The following PSMB7 variants were observed in gnomAD, a reference collection of about 807,000 sequenced individuals.
PSMB7 encodes the protein proteasome 20S subunit beta 7.
Under a neutral mutation model 28.1 loss-of-function variants are expected in PSMB7, and 5 were observed. The observed-to-expected ratio is 0.18, with a 90% CI of 0.09 to 0.37. PSMB7 has a LOEUF of 0.37. PSMB7 is among the 10% of genes least tolerant of loss of function. PSMB7 has a pLI of 1.00. For missense variants in PSMB7, 275 were observed against 346.2 expected (o/e 0.79, Z 1.63); for synonymous variants, 122 against 123.7 (o/e 0.99, Z 0.09).
chr9:124,400,763 C>CAT (rs10661672), intron 5 of PSMB7, among the ~76,000 whole-genome samples: 150,630 of 152,306 alleles, frequency 0.99, 74,497 homozygotes, highest in East Asian at 1. Flanking sequence ...CTGGCCGAAA[C>CAT]GTGTACACCT....
intron 3 of PSMB7, among the ~76,000 whole-genome samples, chr9:124,413,472 A>C (rs2131183950): frequency 6.6e-6 from 1 of 152,292 alleles, no homozygotes; most frequent in East Asian, 1.9e-4. Flanking sequence ...TTTTTAAGAA[A>C]GGGATGCCAT....
intron 2 of PSMB7, among the ~76,000 whole-genome samples, chr9:124,414,335 C>T (rs1831062931): frequency 6.6e-6 from 1 of 152,206 alleles, no homozygotes; most frequent in Non-Finnish European, 1.5e-5. Context: ...TTAGCCATCA[C>T]TATCAATTTC....
In PSMB7 at chr9:124,412,469, G is replaced by A; in HGVS notation, c.278C>T (p.Ala93Val). ...GAGCTGGGTTGTCATGTCTGTGTCT[G>A]CAGCTGTCCCAGCACCACAACAACT... Reference protein sequence around the residue: ...NIYCCGAGTAADTDMTTQLIS... With the variant: ...NIYCCGAGTAVDTDMTTQLIS... The change falls in exon 4 of 8, where the codon GCA becomes GTA. Residue 93 changes from alanine (A) to valine (V), a missense_variant. Coordinates refer to ENST00000259457, the MANE Select transcript of PSMB7 (RefSeq NM_002799.4). 6.2e-7 allele frequency: 1 copy of A among 1,614,128 alleles called. No individual in the cohort carries two copies. Among genetic ancestry groups the A allele is most frequent in the Non-Finnish European group, 8.5e-7 (1 of 1,180,016 alleles).
At chr9:124,366,239 C>A (rs1282540963) in intron 6 of PSMB7, among the ~76,000 whole-genome samples, 1 of 152,148 alleles carries the variant, frequency 6.6e-6, no homozygotes, top group African/African-American at 2.4e-5. Context: ...ATGGTGAAAC[C>A]CCATCTCTAC....
intron 5 of PSMB7, among the ~76,000 whole-genome samples, chr9:124,395,163 CA>C (rs1331843943): frequency 6.6e-6 from 1 of 152,130 alleles, no homozygotes; most frequent in African/African-American, 2.4e-5. Context: ...TGTTCACAGT[CA>C]AACAGCTAAA....
At chr9:124,397,221 C>T (rs1830851696) in intron 5 of PSMB7, among the ~76,000 whole-genome samples, 2 of 152,138 alleles carry the variant, frequency 1.3e-5, no homozygotes, top group Admixed American at 6.5e-5. Context: ...CACAGTGGTG[C>T]AAAGATTGTA....
At chr9:124,354,284 A>AAC (rs1830375041) in intron 7 of PSMB7, among the ~76,000 whole-genome samples, 1 of 152,226 alleles carries the variant, frequency 6.6e-6, no homozygotes, top group Admixed American at 6.5e-5. Flanking sequence ...GGACACACCC[A>AAC]ACACCTTCTT....
intron 6 of PSMB7, among the ~76,000 whole-genome samples, chr9:124,374,226 G>A (rs991992699): frequency 9.2e-5 from 14 of 152,202 alleles, no homozygotes; most frequent in African/African-American, 2.4e-5. Context: ...CCAGGGCTGG[G>A]AAGGTTGGGG....
intron 5 of PSMB7, among the ~76,000 whole-genome samples, chr9:124,387,744 G>A (rs1238555279): frequency 6.6e-6 from 1 of 152,170 alleles, no homozygotes; most frequent in Non-Finnish European, 1.5e-5. Context: ...CTGTCAACAG[G>A]TTTGTAGATA....
intron 4 of PSMB7, among the ~76,000 whole-genome samples, chr9:124,410,416 C>A (rs1408710399): frequency 6.6e-6 from 1 of 152,144 alleles, no homozygotes; most frequent in Non-Finnish European, 1.5e-5. Flanking sequence ...AGCAATTTTA[C>A]AAGCTTAAAA....
intron 6 of PSMB7, among the ~76,000 whole-genome samples, chr9:124,374,030 A>AT (rs1364720239): frequency 1.3e-5 from 2 of 152,262 alleles, no homozygotes; most frequent in African/African-American, 2.4e-5. Context: ...AAAATGTGGT[A>AT]TGTCCATACA....
chr9:124,356,205 A>G lies in PSMB7; in HGVS notation c.722+559T>C, dbSNP rs1292057597. ...GGAAACCTCCCAGTTCTGCTCAGCA[A>G]ATCAACTAGAACCTTCTCCCACTGC... On this transcript the variant is annotated intron_variant, in intron 7 of 7. Transcript: ENST00000259457. The surrounding 1 kb of genome is among the most constrained non-coding windows in gnomAD (Gnocchi z 4.4). 6.6e-6 allele frequency among the ~76,000 whole-genome samples: 1 copy of G among 152,134 alleles called. No homozygotes were observed. Among genetic ancestry groups the G allele is most frequent in the African/African-American group, 2.4e-5 (1 of 41,436 alleles).
chr9:124,381,386 A>G (rs1286558507), intron 6 of PSMB7, among the ~76,000 whole-genome samples: 5 of 152,236 alleles, frequency 3.3e-5, no homozygotes, highest in Non-Finnish European at 7.3e-5. Context: ...ATTTGTTATT[A>G]CAACAGCCTA....
intron 6 of PSMB7, among the ~76,000 whole-genome samples, chr9:124,381,485 A>ATTCTCCTGGCT (rs1240365077): frequency 1.1e-4 from 16 of 152,204 alleles, no homozygotes; most frequent in Non-Finnish European, 1.9e-4. Context: ...CAGCAGTGCT[A>ATTCTCCTGGCT]TTCTCCTGGC....
At chr9:124,394,030 G>A (rs1830818164) in intron 5 of PSMB7, among the ~76,000 whole-genome samples, 1 of 152,200 alleles carries the variant, frequency 6.6e-6, no homozygotes, top group Non-Finnish European at 1.5e-5. Flanking sequence ...GAGCTGGCAA[G>A]TCTCTTAAAG....
At chr9:124,381,034 T>C (rs913630428) in intron 6 of PSMB7, among the ~76,000 whole-genome samples, 5 of 152,220 alleles carry the variant, frequency 3.3e-5, no homozygotes, top group Non-Finnish European at 7.3e-5. Context: ...ATAAAATTTA[T>C]TGAGGTGTTT....
intron 6 of PSMB7, among the ~76,000 whole-genome samples, chr9:124,368,490 G>C (rs1830530240): frequency 6.6e-6 from 1 of 152,132 alleles, no homozygotes; most frequent in Non-Finnish European, 1.5e-5. Context: ...GAATCCCACG[G>C]CAAAGAGCTA....
intron 4 of PSMB7, among the ~76,000 whole-genome samples, chr9:124,409,123 C>T (rs943865574): frequency 2.0e-5 from 3 of 152,096 alleles, no homozygotes; most frequent in Admixed American, 2.0e-4. Context: ...TTCATATCTT[C>T]CAGCTTTGTT....
intron 6 of PSMB7, chr9:124,383,606 A>G (rs1360101396): frequency 6.6e-6 from 1 of 152,188 alleles, no homozygotes; most frequent in Admixed American, 6.5e-5. Flanking sequence ...GAAGAACAAA[A>G]TATTTTTAAT....
Sources: allele counts gnomAD v4.1 joint callset (sites outside exome capture counted in the v4.1 genomes callset), GRCh38; gene constraint gnomAD v4.1.1; non-coding constraint Gnocchi (gnomAD v3.1); transcripts MANE v1.5; gene names NCBI Gene and HGNC (gene_info 2026-07-23, HGNC 2026-07-21).